The following ATP9A variants were observed in gnomAD, a reference collection of about 807,000 sequenced individuals.
The protein encoded by ATP9A is ATPase phospholipid transporting 9A.
In ATP9A, 52 loss-of-function variants were observed where a neutral mutation model predicts 144.1. The observed-to-expected ratio is 0.36, with a 90% CI of 0.29 to 0.45. ATP9A has a LOEUF of 0.45. Among genes scored for constraint, ATP9A ranks in the 20% least tolerant of loss-of-function variants. The pLI, the probability that ATP9A is intolerant of heterozygous loss-of-function variation, is 1.00. For missense variants in ATP9A, 947 were observed against 1,392.7 expected (o/e 0.68, Z 5.09); for synonymous variants, 582 against 557.4 (o/e 1.04, Z -0.62).
At chr20:51,702,365 CGTGTGTGTGTGTGTGTGTGTGTGT>C (rs10578719) in intron 4 of ATP9A, among the ~76,000 whole-genome samples, 3 of 130,220 alleles carry the variant, frequency 2.3e-5, no homozygotes, top group African/African-American at 8.3e-5. Context: ...TGTGTGTGTT[CGTGTGTGTGTGTGTGTGTGTGTGT>C]GTGTGTGTGT....
intron 13 of ATP9A, among the ~76,000 whole-genome samples, chr20:51,660,957 G>A (rs1301477850): frequency 6.6e-6 from 1 of 152,238 alleles, no homozygotes; most frequent in Non-Finnish European, 1.5e-5. Flanking sequence ...CCTTATGGAG[G>A]GAGGGAGGGC....
chr20:51,764,701 T>C (rs1252880876), intron 1 of ATP9A, among the ~76,000 whole-genome samples: 1 of 152,136 alleles, frequency 6.6e-6, no homozygotes, highest in African/African-American at 2.4e-5. Context: ...CAGTGAATCT[T>C]TGTTTCCCTG....
At chr20:51,700,239 G>A (rs1043551998) in intron 4 of ATP9A, among the ~76,000 whole-genome samples, 3 of 152,148 alleles carry the variant, frequency 2.0e-5, no homozygotes, top group African/African-American at 7.2e-5. Flanking sequence ...TGGGTAAAGA[G>A]GCCGGACACA....
chr20:51,651,057 T>C (rs1419633972), intron 14 of ATP9A, among the ~76,000 whole-genome samples: 1 of 149,980 alleles, frequency 6.7e-6, no homozygotes, highest in Non-Finnish European at 1.5e-5. Context: ...CGGAAAGCCA[T>C]ATGACTTTCT....
chr20:51,702,691 G>A (rs549162760), intron 4 of ATP9A, among the ~76,000 whole-genome samples: 4 of 152,118 alleles, frequency 2.6e-5, no homozygotes, highest in African/African-American at 9.6e-5. Context: ...TGAAAAAATC[G>A]GTAAGGGTGT....
intron 1 of ATP9A, among the ~76,000 whole-genome samples, chr20:51,744,449 A>G (rs1288274589): frequency 2.0e-5 from 3 of 152,230 alleles, no homozygotes; most frequent in African/African-American, 7.2e-5. Flanking sequence ...AGCATGAGCC[A>G]CCGCGCCCAG....
At chr20:51,720,608 C>T (rs777001837) in intron 3 of ATP9A, among the ~76,000 whole-genome samples, 14 of 152,090 alleles carry the variant, frequency 9.2e-5, no homozygotes, top group African/African-American at 1.7e-4. Context: ...TCAAGGTGGA[C>T]GGATCACTTG....
intron 4 of ATP9A, among the ~76,000 whole-genome samples, chr20:51,705,962 T>C (rs1003635844): frequency 1.2e-4 from 19 of 152,172 alleles, no homozygotes; most frequent in African/African-American, 4.3e-4. Context: ...TAAAAACTCA[T>C]AAAGGTCTAA....
chr20:51,761,504 G>A (rs893629189), intron 1 of ATP9A, among the ~76,000 whole-genome samples: 2 of 152,168 alleles, frequency 1.3e-5, no homozygotes, highest in African/African-American at 2.4e-5. Context: ...GCTCACGGCT[G>A]TAATCCCAGC....
At chr20:51,750,484 A>G (rs2077826668) in intron 1 of ATP9A, among the ~76,000 whole-genome samples, 1 of 152,168 alleles carries the variant, frequency 6.6e-6, no homozygotes, top group African/African-American at 2.4e-5. Flanking sequence ...CGAGCCCAAA[A>G]AATTCCAGAA....
chr20:51,651,027 C>T (rs1301258372), intron 14 of ATP9A, among the ~76,000 whole-genome samples: 2 of 149,552 alleles, frequency 1.3e-5, no homozygotes, highest in Non-Finnish European at 3.0e-5. Context: ...TGCCCAGGCT[C>T]GAGTGCAGTG....
At chr20:51,689,413 T>G (rs2077537534) in intron 8 of ATP9A, among the ~76,000 whole-genome samples, 1 of 152,110 alleles carries the variant, frequency 6.6e-6, no homozygotes, top group African/African-American at 2.4e-5. Context: ...TTTATGAGGT[T>G]AAGAATCAAA....
chr20:51,735,801 C>CA (rs1448014535), intron 1 of ATP9A, among the ~76,000 whole-genome samples: 17 of 152,342 alleles, frequency 1.1e-4, no homozygotes, highest in African/African-American at 4.1e-4. Context: ...TTAGTAACAA[C>CA]AACAAGGCAA....
At chr20:51,757,787 T>C (rs1568849801) in intron 1 of ATP9A, among the ~76,000 whole-genome samples, 1 of 151,892 alleles carries the variant, frequency 6.6e-6, no homozygotes, top group Non-Finnish European at 1.5e-5. Flanking sequence ...ATGTTTGTAA[T>C]CCCAGCTACT....
Position 51,657,110 on chromosome 20 carries a change from G to A in ATP9A, c.1334C>T (p.Thr445Ile). The A allele has an allele frequency of 6.2e-7, 1 of 1,614,192 alleles. No homozygotes were observed. Among genetic ancestry groups the A allele is most frequent in the Non-Finnish European group, 8.5e-7 (1 of 1,180,046 alleles). ...GCTCATGGTCCGCCGGACCTTAGTG[G>A]TGAGCGTTGGGCCCTTCTGAGCCGG... Reference protein sequence around the residue: ...DPPAQKGPTLTTKVRRTMSSR... With the variant: ...DPPAQKGPTLITKVRRTMSSR... Residue 445 changes from threonine (T) to isoleucine (I), a missense_variant, in exon 14 of 28, where the codon ACC (threonine) becomes ATC (isoleucine). Coordinates refer to ENST00000338821, the MANE Select transcript of ATP9A (RefSeq NM_006045.3).
chr20:51,700,702 C>T (rs576122837), intron 4 of ATP9A, among the ~76,000 whole-genome samples: 11 of 152,202 alleles, frequency 7.2e-5, no homozygotes, highest in South Asian at 6.2e-4. Context: ...TGGTGGCACA[C>T]GCCTGTAATC....
At chr20:51,748,940 TAGATAGATAGAC>T (rs1407172887) in intron 1 of ATP9A, among the ~76,000 whole-genome samples, 1 of 93,502 alleles carries the variant, frequency 1.1e-5, no homozygotes, top group Non-Finnish European at 2.5e-5. Context: ...GATAGATAGA[TAGATAGATAGAC>T]AGACAGACAG....
intron 13 of ATP9A, among the ~76,000 whole-genome samples, chr20:51,662,216 T>C (rs2077413658): frequency 3.3e-5 from 5 of 152,216 alleles, no homozygotes; most frequent in Admixed American, 2.0e-4. Context: ...AATTTCAATA[T>C]ACTGTTCTTC....
intron 4 of ATP9A, among the ~76,000 whole-genome samples, chr20:51,702,365 C>CGTGTGTGT (rs10578719): frequency 0.027 from 3,534 of 130,276 alleles, 66 homozygotes; most frequent in African/African-American, 0.038. Flanking sequence ...TGTGTGTGTT[C>CGTGTGTGT]GTGTGTGTGT....
Sources: gnomAD v4.1 joint callset for allele counts (sites outside exome capture counted in the v4.1 genomes callset) on GRCh38, gnomAD v4.1.1 for gene constraint, MANE v1.5 for transcripts, NCBI Gene and HGNC (gene_info 2026-07-23, HGNC 2026-07-21) for gene names.